Variants in PLCB1 observed in about 807,000 individuals in gnomAD.
The protein encoded by PLCB1 is 1-phosphatidylinositol 4,5-bisphosphate phosphodiesterase beta-1.
A neutral mutation model predicts 161.8 loss-of-function variants in PLCB1; 46 were observed. The ratio of observed to expected loss-of-function variants is 0.28; its 90% CI spans 0.22 to 0.36. The LOEUF is 0.36. PLCB1 is among the 10% of genes least tolerant of loss of function. PLCB1 has a pLI of 1.00. For synonymous variants in PLCB1, 517 were observed against 503.7 expected (o/e 1.03, Z -0.35); for missense variants, 1,016 against 1,472.5 (o/e 0.69, Z 5.07).
At chr20:8,559,590 G>A (rs1039214139) in intron 3 of PLCB1, among the ~76,000 whole-genome samples, 3 of 151,914 alleles carry the variant, frequency 2.0e-5, no homozygotes, top group Non-Finnish European at 4.4e-5. Flanking sequence ...TAGCTCCAAA[G>A]ATACAAACAG....
At chr20:8,797,248 A>G (rs1984071858) in intron 31 of PLCB1, among the ~76,000 whole-genome samples, 1 of 151,548 alleles carries the variant, frequency 6.6e-6, no homozygotes, top group Non-Finnish European at 1.5e-5. Context: ...CACCGACAGC[A>G]TTTAGTATTT....
At chr20:8,239,967 A>G (rs770331293) in intron 2 of PLCB1, among the ~76,000 whole-genome samples, 2 of 152,004 alleles carry the variant, frequency 1.3e-5, no homozygotes, top group South Asian at 2.1e-4. Flanking sequence ...GTAATTCCCA[A>G]TGATTTGCTT....
rs1046572295 is a variant in PLCB1 at position 8,156,924 on chromosome 20, A to G, written c.177+6553A>G. Among the ~76,000 whole-genome samples the G allele has an allele frequency of 2.0e-5, 3 of 152,182 alleles. No individual in the cohort carries two copies. In the East Asian group the frequency reaches 5.8e-4, roughly 29 times the overall value. ...AAACAATTGTCCATAAGTATTAGAG[A>G]CCACAAAAATGTGCTGTTTTGAAAA... On this transcript the variant is annotated intron_variant, in intron 2 of 31. Transcript: ENST00000338037.
chr20:8,716,804 C>T (rs1979339896), intron 13 of PLCB1, among the ~76,000 whole-genome samples: 1 of 152,188 alleles, frequency 6.6e-6, no homozygotes, highest in African/African-American at 2.4e-5. Context: ...TCAGGTCGCC[C>T]ATTGCATTGA....
intron 2 of PLCB1, among the ~76,000 whole-genome samples, chr20:8,172,948 C>G (rs1316117418): frequency 1.3e-5 from 2 of 152,170 alleles, no homozygotes; most frequent in African/African-American, 4.8e-5. Flanking sequence ...CAGGAAAGCT[C>G]CTTCTTTTCA....
At chr20:8,689,021 A>T (rs1990416119) in intron 10 of PLCB1, among the ~76,000 whole-genome samples, 3 of 151,008 alleles carry the variant, frequency 2.0e-5, no homozygotes, top group Non-Finnish European at 4.4e-5. Flanking sequence ...GATTTATTTC[A>T]GCAGTGTTTT....
In PLCB1 at chr20:8,464,317, G is replaced by A. The variant is rs191672384; in HGVS notation, c.246+92867G>A. Among the ~76,000 whole-genome samples, 4 of 152,232 alleles carry A rather than the reference G, an allele frequency of 2.6e-5. No homozygotes were observed. In the East Asian group the frequency reaches 5.8e-4, roughly 22 times the overall value. On this transcript the variant is annotated intron_variant, in intron 3 of 31. Coordinates refer to ENST00000338037, the MANE Select transcript of PLCB1 (RefSeq NM_015192.4). ...GTTGTGCTTCCTAAATCTGAGGTTT[G>A]AGGTAATCAGTTCTCTAGCATTTAT...
chr20:8,361,604 G>A (rs1475397247), intron 2 of PLCB1, among the ~76,000 whole-genome samples: 2 of 152,156 alleles, frequency 1.3e-5, no homozygotes, highest in Admixed American at 6.5e-5. Flanking sequence ...AACCACTGGT[G>A]TGGAGAAATG....
intron 3 of PLCB1, among the ~76,000 whole-genome samples, chr20:8,488,624 C>T (rs1982824792): frequency 6.6e-6 from 1 of 152,100 alleles, no homozygotes; most frequent in South Asian, 2.1e-4. Flanking sequence ...TTTCTCTAAA[C>T]ATGTTTAATT....
chr20:8,376,784 T>C (rs1261603340), intron 3 of PLCB1, among the ~76,000 whole-genome samples: 2 of 151,864 alleles, frequency 1.3e-5, no homozygotes, highest in East Asian at 3.9e-4. Flanking sequence ...AAAAATTAGC[T>C]GGGCATGGTG....
At chr20:8,591,149 G>T (rs8124970) in intron 3 of PLCB1, among the ~76,000 whole-genome samples, 6,574 of 152,220 alleles carry the variant, frequency 0.043, 442 homozygotes, top group African/African-American at 0.15. Flanking sequence ...CAAAGGACAT[G>T]ATCTTGTTCC....
chr20:8,513,181 C>A (rs1408425572), intron 3 of PLCB1, among the ~76,000 whole-genome samples: 1 of 152,120 alleles, frequency 6.6e-6, no homozygotes, highest in Non-Finnish European at 1.5e-5. Flanking sequence ...AGTTCAAGAA[C>A]AAGCAAAGTT....
chr20:8,462,683 A>C (rs1193608959), intron 3 of PLCB1, among the ~76,000 whole-genome samples: 1 of 152,134 alleles, frequency 6.6e-6, no homozygotes, highest in Non-Finnish European at 1.5e-5. Context: ...ACTTGTTAAC[A>C]ATCTTCTGAG....
chr20:8,767,724 C>T (rs1436412161), intron 26 of PLCB1, among the ~76,000 whole-genome samples: 2 of 152,236 alleles, frequency 1.3e-5, no homozygotes, highest in East Asian at 1.9e-4. Context: ...TGAACCCTGT[C>T]GAGGGCTGTT....
chr20:8,384,697 T>TCAGTG, intron 3 of PLCB1, among the ~76,000 whole-genome samples: 1 of 152,272 alleles, frequency 6.6e-6, no homozygotes, highest in Admixed American at 6.5e-5. Flanking sequence ...GACCCTTGGA[T>TCAGTG]GGAGTATTTG....
At chr20:8,353,537 C>G (rs1986254867) in intron 2 of PLCB1, among the ~76,000 whole-genome samples, 1 of 152,156 alleles carries the variant, frequency 6.6e-6, no homozygotes, top group African/African-American at 2.4e-5. Context: ...AGGATAATCT[C>G]ATCAGTATTA....
intron 6 of PLCB1, 44 bp downstream of exon 6, chr20:8,647,997 A>G: frequency 2.9e-6 from 4 of 1,366,236 alleles, no homozygotes; most frequent in Non-Finnish European, 3.0e-6. Context: ...TATTTTCCTC[A>G]AAGATCTGAA....
chr20:8,425,214 C>T (rs1979704595), intron 3 of PLCB1, among the ~76,000 whole-genome samples: 1 of 150,722 alleles, frequency 6.6e-6, no homozygotes, highest in Non-Finnish European at 1.5e-5. Context: ...CAATCAGAGG[C>T]TAGGGTGAAG....
intron 3 of PLCB1, among the ~76,000 whole-genome samples, chr20:8,419,826 C>G (rs1004017627): frequency 2.0e-5 from 3 of 152,048 alleles, no homozygotes; most frequent in Non-Finnish European, 4.4e-5. Flanking sequence ...TTGTTTGTAA[C>G]TTAAATGTTT....
Sources: allele counts gnomAD v4.1 joint callset (sites outside exome capture counted in the v4.1 genomes callset), GRCh38; gene constraint gnomAD v4.1.1; transcripts MANE v1.5; gene names NCBI Gene and HGNC (gene_info 2026-07-23, HGNC 2026-07-21).